The following TGFB3 variants were observed in gnomAD, a reference collection of about 807,000 sequenced individuals.
TGFB3 encodes transforming growth factor beta-3 proprotein.
TGFB3 carries 5 observed loss-of-function variants against 40.1 expected under a neutral mutation model. The observed-to-expected ratio is 0.12, with a 90% CI of 0.07 to 0.26. TGFB3 has a LOEUF of 0.26. Among genes scored for constraint, TGFB3 ranks in the 10% least tolerant of loss-of-function variants. TGFB3 has a pLI of 1.00. For missense variants in TGFB3, 373 were observed against 530.1 expected, an observed-to-expected ratio of 0.70 and a Z score of 2.91; for synonymous variants, 184 against 205.6, an observed-to-expected ratio of 0.89 and a Z score of 0.90.
Position 75,978,405 on chromosome 14 carries a change from C to G in TGFB3, c.352+2137G>C, listed in dbSNP as rs1255480097. Among the ~76,000 whole-genome samples, 1 of 152,162 alleles carries G rather than the reference C, an allele frequency of 6.6e-6. No homozygotes were observed. Among genetic ancestry groups the G allele is most frequent in the African/African-American group, 2.4e-5 (1 of 41,444 alleles). ...TAGTGTGCCTTGTGTGTCTGCCTCT[C>G]TGGGGTGGGCTCAGCACCCGACCAG... On this transcript the variant is annotated intron_variant, in intron 1 of 6. Transcript: ENST00000238682. This position sits in a 1 kb window ranked among gnomAD's most constrained non-coding sequence, Gnocchi z 5.0.
chr14:75,972,819 T>C (rs1457761696), intron 1 of TGFB3, among the ~76,000 whole-genome samples: 2 of 152,192 alleles, frequency 1.3e-5, no homozygotes, highest in Non-Finnish European at 2.9e-5. Flanking sequence ...CTCAACCTTG[T>C]GTTTTAGACC....
chr14:75,967,208 C>A (rs1345018234), intron 3 of TGFB3, among the ~76,000 whole-genome samples: 2 of 152,230 alleles, frequency 1.3e-5, no homozygotes, highest in African/African-American at 4.8e-5. Context: ...CTGGTTAAAA[C>A]CCAGCTCCTT....
Position 75,971,687 on chromosome 14 carries a change from G to C in TGFB3, c.384C>G (p.Thr128=). 6.2e-7 allele frequency: 1 copy of C among 1,614,250 alleles called. No individual in the cohort carries two copies. Among genetic ancestry groups the C allele is most frequent in the Non-Finnish European group, 8.5e-7 (1 of 1,180,052 alleles). ...ACACATTGAAGCGGAAAACCTTGGA[G>C]GTAATTCCTTTAGGGCAGACAGCCA... ...NELAVCPKGI[T]SKVFRFNVSS... Residue 128 remains threonine (T), a synonymous_variant, in exon 2 of 7, where the codon ACC becomes ACG. Coordinates refer to ENST00000238682, the MANE Select transcript of TGFB3 (RefSeq NM_003239.5). This position sits in a 1 kb window ranked among gnomAD's most constrained non-coding sequence, Gnocchi z 4.5.
rs2035111276 is a variant in TGFB3 at position 75,958,335 on chromosome 14, T to G, written c.*852A>C. The G allele has an allele frequency of 1.3e-5, 2 of 152,698 alleles. No individual in the cohort carries two copies. Among genetic ancestry groups the G allele is most frequent in the Admixed American group, 1.3e-4 (2 of 15,284 alleles). 9.5% of individuals were successfully genotyped at this position (152,698 alleles called of 1,614,324 possible). ...GGAACACCAAATGAACACAGGGTCT[T>G]GGAGGGGAAGTGGGGGAAGAACCCA... On this transcript the variant is annotated 3_prime_UTR_variant, in exon 7 of 7. Transcript: ENST00000238682.
Position 75,959,111 on chromosome 14 carries a change from G to T in TGFB3, c.*76C>A. On this transcript the variant is annotated 3_prime_UTR_variant, in exon 7 of 7. Transcript: ENST00000238682. The stretch of plus-strand genomic sequence containing the variant: ...TCCAGGCCTCTCAGTGAGGTTTGTT[G>T]CTTGTGTGTTTCCCGAGGAGCGGGC... 1 of 1,597,026 alleles carries T rather than the reference G, an allele frequency of 6.3e-7. No homozygotes were observed. The highest frequency in any genetic ancestry group is 1.7e-5 in the Admixed American group (1 of 59,906).
At chr14:75,964,464 C>G (rs554031975) in intron 4 of TGFB3, among the ~76,000 whole-genome samples, 5 of 152,066 alleles carry the variant, frequency 3.3e-5, no homozygotes, top group South Asian at 4.2e-4. Context: ...CCCGTTTCAT[C>G]TGAAAAAAAA....
rs1313704525 is a variant in TGFB3, at chr14:75,980,945, G to C, written c.-52C>G. The C allele has an allele frequency of 3.3e-6, 5 of 1,538,380 alleles. No homozygotes were observed. The highest frequency in any genetic ancestry group is 4.5e-6 in the Non-Finnish European group (5 of 1,114,890). On this transcript the variant is annotated 5_prime_UTR_variant, in exon 1 of 7. Transcript: ENST00000238682. This position sits in a 1 kb window ranked among gnomAD's most constrained non-coding sequence, Gnocchi z 4.3. ...GGACGGCAAGGCCTGGAGAGGAAGA[G>C]ACCCCAGCAGACGTGCAGAAGGAGG...
In TGFB3 at chr14:75,961,963, T is replaced by C. The variant is rs369485942; in HGVS notation, c.927-887A>G. Among the ~76,000 whole-genome samples, 4 of 152,222 alleles carry C rather than the reference T, an allele frequency of 2.6e-5. No homozygotes were observed. The East Asian group carries it at 7.7e-4, about 29-fold the overall frequency. On this transcript the variant is annotated intron_variant, in intron 5 of 6. Coordinates refer to ENST00000238682, the MANE Select transcript of TGFB3 (RefSeq NM_003239.5). Reference sequence around the variant, plus strand: ...GTAAGGGCAAGTTCTGGCAAAGATATTCGATTATTTATAAAAGTGACAGAT... The same window carrying C: ...GTAAGGGCAAGTTCTGGCAAAGATACTCGATTATTTATAAAAGTGACAGAT...
chr14:75,979,936 AG>A lies in TGFB3; in HGVS notation c.352+605del, dbSNP rs1267826932. 6.6e-6 allele frequency among the ~76,000 whole-genome samples: 1 copy of A among 152,098 alleles called. No individual in the cohort carries two copies. The highest frequency in any genetic ancestry group is 2.4e-5 in the African/African-American group (1 of 41,424). ...CATACCCTCTTCCTTCCACACACACAGCTCACGTGGGTCTCGTGGGTCACGT... is the reference window on the plus strand; with the variant it reads ...CATACCCTCTTCCTTCCACACACACACTCACGTGGGTCTCGTGGGTCACGT... On this transcript the variant is annotated intron_variant, in intron 1 of 6. Coordinates refer to ENST00000238682, the MANE Select transcript of TGFB3 (RefSeq NM_003239.5). This position sits in a 1 kb window ranked among gnomAD's most constrained non-coding sequence, Gnocchi z 4.8.
chr14:75,968,210 T>G (rs1312593846), intron 3 of TGFB3, among the ~76,000 whole-genome samples: 1 of 152,208 alleles, frequency 6.6e-6, no homozygotes, highest in Non-Finnish European at 1.5e-5. Context: ...TTCTCATCAA[T>G]CTACACCGCC....
chr14:75,963,291 G>A (rs2140238010), intron 5 of TGFB3, 25 bp downstream of exon 5: 1 of 1,613,858 alleles, frequency 6.2e-7, no homozygotes, highest in Non-Finnish European at 8.5e-7. Context: ...AGTAGATGTT[G>A]GTTCCCATGT....
rs185362478 is a variant in TGFB3 at position 75,964,467 on chromosome 14, A to G, written c.755-980T>C. On this transcript the variant is annotated intron_variant, in intron 4 of 6. Transcript: ENST00000238682. The stretch of plus-strand genomic sequence containing the variant: ...TAAATTCATCAACCCGTTTCATCTG[A>G]AAAAAAAGGAAAAGACTGGAGACTG... 2.0e-3 allele frequency among the ~76,000 whole-genome samples: 304 copies of G among 152,192 alleles called. 1 individual carries two copies. The highest frequency in any genetic ancestry group is 6.4e-3 in the African/African-American group (266 of 41,520).
At chr14:75,974,267 C>T (rs1340430089) in intron 1 of TGFB3, among the ~76,000 whole-genome samples, 2 of 152,074 alleles carry the variant, frequency 1.3e-5, no homozygotes, top group Admixed American at 6.5e-5. Context: ...CCCTAGTGGC[C>T]GTCCTCTTTG....
rs2035425141 is a variant in TGFB3, at chr14:75,981,046, G to A, written c.-153C>T. On this transcript the variant is annotated 5_prime_UTR_variant, in exon 1 of 7. Coordinates refer to ENST00000238682, the MANE Select transcript of TGFB3 (RefSeq NM_003239.5). The surrounding 1 kb of genome is among the most constrained non-coding windows in gnomAD (Gnocchi z 4.7). ...AAGGTGCATGAACTCACTGCACTGC[G>A]AGAGCTTCAGGACTTCCAGGAAGCG... is the stretch of plus-strand genomic sequence containing the variant. 3 of 714,096 alleles carry A rather than the reference G, an allele frequency of 4.2e-6. No homozygotes were observed. The highest frequency in any genetic ancestry group is 1.8e-5 in the African/African-American group (1 of 57,092). 44.2% of individuals were successfully genotyped at this position (714,096 alleles called of 1,614,324 possible).
intron 3 of TGFB3, chr14:75,970,685 C>G (rs1378840650): frequency 4.5e-6 from 1 of 222,054 alleles, no homozygotes; most frequent in East Asian, 1.1e-4. Context: ...TCACCATGCT[C>G]CAGCCACACC....
At chr14:75,960,007 A>G (rs891544548) in intron 6 of TGFB3, among the ~76,000 whole-genome samples, 4 of 130,210 alleles carry the variant, frequency 3.1e-5, no homozygotes, top group Admixed American at 2.0e-4. Flanking sequence ...CAGTGGTGCA[A>G]TCTTGGCTCA....
Position 75,980,748 on chromosome 14 carries a change from C to T in TGFB3, c.146G>A (p.Ser49Asn). The T allele has an allele frequency of 1.2e-6, 2 of 1,614,196 alleles. No individual in the cohort carries two copies. The highest frequency in any genetic ancestry group is 8.5e-7 in the Non-Finnish European group (1 of 1,180,050). Residue 49 changes from serine to asparagine, a missense_variant, in exon 1 of 7, where the codon AGC becomes AAC. Transcript: ENST00000238682. This position sits in a 1 kb window ranked among gnomAD's most constrained non-coding sequence, Gnocchi z 4.3. ...RVEAIRGQILSKLRLTSPPEP... is the reference protein window; with the variant it reads ...RVEAIRGQILNKLRLTSPPEP... ...AGGGGGGCTGGTGAGCCTGAGCTTG[C>T]TCAAGATCTGTCCCCTAATGGCTTC... is the stretch of plus-strand genomic sequence containing the variant.
Position 75,981,260 on chromosome 14 carries a change from T to C in TGFB3, c.-367A>G. On this transcript the variant is annotated 5_prime_UTR_variant, in exon 1 of 7. Transcript: ENST00000238682. This position sits in a 1 kb window ranked among gnomAD's most constrained non-coding sequence, Gnocchi z 4.7. ...GCTGGAGTTTTTCCTTAGGTAAAAATAAATAGAGTGGATATCTGATATTGC... is the reference window on the plus strand; with the variant it reads ...GCTGGAGTTTTTCCTTAGGTAAAAACAAATAGAGTGGATATCTGATATTGC... 2.9e-6 allele frequency: 1 copy of C among 350,820 alleles called. No individual in the cohort carries two copies. The highest frequency in any genetic ancestry group is 2.7e-5 in the South Asian group (1 of 37,450). 21.7% of individuals were successfully genotyped at this position (350,820 alleles called of 1,614,324 possible).
chr14:75,979,666 G>C lies in TGFB3; in HGVS notation c.352+876C>G, dbSNP rs1269223201. On this transcript the variant is annotated intron_variant, in intron 1 of 6. Transcript: ENST00000238682. This position sits in a 1 kb window ranked among gnomAD's most constrained non-coding sequence, Gnocchi z 4.8. ...CGCCCGGCTCCTCCATGCAGACAGA[G>C]CCTCCTGGGACGGCAGGCTCCCAGA... is the stretch of plus-strand genomic sequence containing the variant. Among the ~76,000 whole-genome samples the C allele has an allele frequency of 1.3e-5, 2 of 151,410 alleles. No homozygotes were observed. Among genetic ancestry groups the C allele is most frequent in the Non-Finnish European group, 2.9e-5 (2 of 67,894 alleles).
Sources: allele counts gnomAD v4.1 joint callset (sites outside exome capture counted in the v4.1 genomes callset), GRCh38; gene constraint gnomAD v4.1.1; non-coding constraint Gnocchi (gnomAD v3.1); transcripts MANE v1.5; gene names NCBI Gene and HGNC (gene_info 2026-07-23, HGNC 2026-07-21).